Variants in NCOA1 observed in about 807,000 individuals in gnomAD.
NCOA1 encodes nuclear receptor coactivator 1.
In NCOA1, 35 loss-of-function variants were observed where a neutral mutation model predicts 150.9. The observed-to-expected ratio is 0.23, with a 90% CI of 0.18 to 0.31. NCOA1 has a LOEUF of 0.31. NCOA1 is among the 10% of genes least tolerant of loss of function. The pLI is 1.00. For synonymous variants in NCOA1, 590 were observed against 630.0 expected (o/e 0.94, Z 0.95); for missense variants, 1,491 against 1,749.3 (o/e 0.85, Z 2.63).
At chr2:24,753,965 A>G (rs2148683444) in intron 20 of NCOA1, among the ~76,000 whole-genome samples, 1 of 152,366 alleles carries the variant, frequency 6.6e-6, no homozygotes, top group East Asian at 1.9e-4. Context: ...TATTTTCACC[A>G]GACCTGCTCC....
chr2:24,533,960 A>G (rs1665010302), intron 1 of NCOA1, among the ~76,000 whole-genome samples: 1 of 152,186 alleles, frequency 6.6e-6, no homozygotes, highest in Admixed American at 6.5e-5. Context: ...GCCTCATAAA[A>G]TGAGTTAGGG....
chr2:24,554,416 G>A (rs1665987380), intron 1 of NCOA1: 1 of 152,132 alleles, frequency 6.6e-6, no homozygotes, highest in African/African-American at 2.4e-5. Context: ...GCAAGAGAAA[G>A]AGAAAGGAAA....
At chr2:24,540,465 T>C (rs538884206) in intron 1 of NCOA1, among the ~76,000 whole-genome samples, 265 of 152,012 alleles carry the variant, frequency 1.7e-3, no homozygotes, top group Middle Eastern at 3.4e-3. Flanking sequence ...ACTGGCTTTT[T>C]TTTTTTTTTT....
At chr2:24,748,648 TA>T (rs61674665) in intron 19 of NCOA1, among the ~76,000 whole-genome samples, 122,347 of 145,732 alleles carry the variant, frequency 0.84, 52,185 homozygotes, top group East Asian at 0.99. Flanking sequence ...TAACCTATAA[TA>T]AAAAAAACGA....
intron 3 of NCOA1, among the ~76,000 whole-genome samples, chr2:24,585,033 C>CT (rs1371050235): frequency 1.3e-5 from 2 of 152,046 alleles, no homozygotes; most frequent in South Asian, 2.1e-4. Context: ...ATACTGTTGG[C>CT]TTTTTTTAAG....
At chr2:24,639,461 A>G (rs1190951366) in intron 3 of NCOA1, among the ~76,000 whole-genome samples, 2 of 151,836 alleles carry the variant, frequency 1.3e-5, no homozygotes, top group South Asian at 2.1e-4. Context: ...AGTTTTATCA[A>G]TTTTTTACCT....
chr2:24,559,876 A>G (rs778798856), intron 1 of NCOA1, among the ~76,000 whole-genome samples: 11 of 152,188 alleles, frequency 7.2e-5, no homozygotes, highest in Non-Finnish European at 1.6e-4. Context: ...CCAGAGGCAG[A>G]GGCATTTTGC....
chr2:24,716,631 A>G (rs995923293), intron 14 of NCOA1, among the ~76,000 whole-genome samples: 2 of 152,204 alleles, frequency 1.3e-5, no homozygotes, highest in Non-Finnish European at 1.5e-5. Context: ...ATTGAGATAG[A>G]CACATTTTTG....
intron 1 of NCOA1, among the ~76,000 whole-genome samples, chr2:24,537,403 T>G (rs1558775647): frequency 1.3e-5 from 2 of 152,004 alleles, no homozygotes; most frequent in African/African-American, 4.8e-5. Flanking sequence ...CTCACTTATA[T>G]GTGGGAGATT....
At position 24,742,170 on chromosome 2, in the gene NCOA1, C is replaced by T; in HGVS notation, c.3690C>T (p.Phe1230=). The T allele has an allele frequency of 6.2e-7, 1 of 1,612,198 alleles. No homozygotes were observed. The highest frequency in any genetic ancestry group is 8.5e-7 in the Non-Finnish European group (1 of 1,178,922). ...ATCCTCAGATGCAGCAGAATGTCTT[C>T]CAGTATCCAGGAGCAGGTAGGAAGG... is the stretch of plus-strand genomic sequence containing the variant. ...GINPQMQQNV[F]QYPGAGMVPQ... is the part of the protein sequence containing the mutation. The change falls in exon 19 of 23, where the codon TTC becomes TTT. Residue 1230 remains phenylalanine (F), a synonymous_variant. Coordinates refer to ENST00000348332, the MANE Select transcript of NCOA1 (RefSeq NM_003743.5).
chr2:24,689,884 G>A (rs937231621), intron 8 of NCOA1, among the ~76,000 whole-genome samples: 3 of 152,088 alleles, frequency 2.0e-5, no homozygotes, highest in Admixed American at 6.5e-5. Context: ...CTCCAAAAGT[G>A]GAGGGGAGGA....
chr2:24,567,358 A>G (rs897298963), intron 2 of NCOA1, among the ~76,000 whole-genome samples: 1 of 152,220 alleles, frequency 6.6e-6, no homozygotes, highest in South Asian at 2.1e-4. Context: ...TTTTTTAGGT[A>G]TATCTTTTCT....
chr2:24,710,162 C>T (rs1383038549), intron 13 of NCOA1, among the ~76,000 whole-genome samples: 4 of 152,032 alleles, frequency 2.6e-5, no homozygotes, highest in South Asian at 2.1e-4. Context: ...GGCACGATCT[C>T]GGCTCACTGC....
At chr2:24,580,609 C>T (rs1369738613) in intron 2 of NCOA1, among the ~76,000 whole-genome samples, 2 of 151,968 alleles carry the variant, frequency 1.3e-5, no homozygotes. Context: ...CCATTTGGTT[C>T]TTCTTTATAT....
chr2:24,645,335 C>CA (rs549749004), intron 4 of NCOA1, among the ~76,000 whole-genome samples: 2,203 of 80,328 alleles, frequency 0.027, 29 homozygotes, highest in Middle Eastern at 0.045. Context: ...ACTAAAAATA[C>CA]AAAAAAAAAA....
chr2:24,740,580 A>C (rs1366616723), intron 18 of NCOA1, among the ~76,000 whole-genome samples: 4 of 152,198 alleles, frequency 2.6e-5, no homozygotes, highest in African/African-American at 9.6e-5. Context: ...ATGTCTTATT[A>C]CTAAAATGTC....
chr2:24,763,616 C>CTTTTT (rs1179539444), intron 22 of NCOA1, among the ~76,000 whole-genome samples: 19 of 85,290 alleles, frequency 2.2e-4, no homozygotes, highest in Admixed American at 3.9e-4. Context: ...GTCTCTCTCT[C>CTTTTT]TTTTTTTTTT....
intron 1 of NCOA1, among the ~76,000 whole-genome samples, chr2:24,534,149 A>C (rs947427052): frequency 8.5e-5 from 13 of 152,060 alleles, no homozygotes; most frequent in African/African-American, 2.9e-4. Flanking sequence ...CAGAGATTCA[A>C]CTTCTTCCTG....
intron 1 of NCOA1, among the ~76,000 whole-genome samples, chr2:24,514,047 G>C (rs1051235242): frequency 1.3e-5 from 2 of 152,064 alleles, no homozygotes; most frequent in African/African-American, 4.8e-5. Flanking sequence ...TCAGCACTTT[G>C]GGAGGCCGAG....
Sources: gnomAD v4.1 joint callset for allele counts (sites outside exome capture counted in the v4.1 genomes callset) on GRCh38, gnomAD v4.1.1 for gene constraint, MANE v1.5 for transcripts, NCBI Gene and HGNC (gene_info 2026-07-23, HGNC 2026-07-21) for gene names.